The following DACT2 variants were observed in gnomAD, a reference collection of about 807,000 sequenced individuals.
DACT2 encodes the protein dapper homolog 2.
DACT2 carries 20 observed loss-of-function variants against 22.2 expected under a neutral mutation model. That is an observed-to-expected ratio of 0.90 (90% CI 0.63 to 1.31). DACT2 has a LOEUF of 1.31. DACT2 is among the 50% of genes most tolerant of loss of function. The pLI is 0.00. For missense variants in DACT2, 1,048 were observed against 1,061.4 expected, an observed-to-expected ratio of 0.99 and a Z score of 0.18; for synonymous variants, 463 against 479.8, an observed-to-expected ratio of 0.96 and a Z score of 0.46.
At chr6:168,311,551 T>TACACACACACACAAACAC (rs778387834) in intron 1 of DACT2, among the ~76,000 whole-genome samples, 9 of 97,820 alleles carry the variant, frequency 9.2e-5, no homozygotes, top group Admixed American at 4.0e-4. Flanking sequence ...CACACACACA[T>TACACACACACACAAACAC]ACACACACTC....
In DACT2 at chr6:168,307,681, G is replaced by C; in HGVS notation, c.2076C>G (p.Asn692Lys). Residue 692 changes from asparagine to lysine, a missense_variant, in exon 4 of 4, where the codon AAC (asparagine) becomes AAG (lysine). Coordinates refer to ENST00000366795, the MANE Select transcript of DACT2 (RefSeq NM_214462.5). The surrounding 1 kb of genome is among the most constrained non-coding windows in gnomAD (Gnocchi z 5.3). ...TGCTGGACTCACGGTCTCCGAATCG[G>C]TTGGTGGTGTGGTCACTGGACTCTC... ...SEGESSDHTT[N>K]RFGDRESSSS... 1.3e-6 allele frequency: 2 copies of C among 1,550,254 alleles called. No homozygotes were observed. Among genetic ancestry groups the C allele is most frequent in the South Asian group, 2.4e-5 (2 of 83,974 alleles).
chr6:168,305,454 A>C (rs1779184988), downstream of DACT2, among the ~76,000 whole-genome samples: 1 of 152,318 alleles, frequency 6.6e-6, no homozygotes, highest in African/African-American at 2.4e-5. Context: ...ACGGAGTCGG[A>C]GCTGCCTAGA....
chr6:168,319,443 A>AGGCCGTGGG lies in DACT2; in HGVS notation c.182_190dup (p.Pro61_Gly63dup). The AGGCCGTGGG allele has an allele frequency of 9.1e-6, 11 of 1,205,006 alleles. No homozygotes were observed. Among genetic ancestry groups the AGGCCGTGGG allele is most frequent in the Non-Finnish European group, 1.0e-5 (10 of 971,680 alleles). The allele number at this position is 1,205,006 out of a possible 1,614,324, so 74.6% of individuals were successfully genotyped here. ...CTCCAGCTGCTGCTCGGGGCCGTGG[A>AGGCCGTGGG]GGCCGTGGGGGCCGCAGGGCGCGGC... On this transcript the variant is annotated inframe_insertion, in exon 1 of 4. Coordinates refer to ENST00000366795, the MANE Select transcript of DACT2 (RefSeq NM_214462.5).
chr6:168,303,689 CT>C (rs1779150435), downstream of DACT2, among the ~76,000 whole-genome samples: 1 of 152,166 alleles, frequency 6.6e-6, no homozygotes, highest in Non-Finnish European at 1.5e-5. Context: ...CCAAGACAGG[CT>C]TTAATTATTC....
chr6:168,306,072 G>C (rs1779199637), downstream of DACT2, among the ~76,000 whole-genome samples: 3 of 152,168 alleles, frequency 2.0e-5, no homozygotes, highest in Admixed American at 2.0e-4. Context: ...TTCCAGACGT[G>C]AAGTTCCTTA....
intron 3 of DACT2, among the ~76,000 whole-genome samples, chr6:168,294,857 C>T (rs1778982476): frequency 6.6e-6 from 1 of 151,962 alleles, no homozygotes; most frequent in East Asian, 1.9e-4. Context: ...GAATTCATGC[C>T]CACAATTTAA....
intron 3 of DACT2, among the ~76,000 whole-genome samples, chr6:168,301,888 A>T (rs904452240): frequency 6.6e-6 from 1 of 152,198 alleles, no homozygotes; most frequent in Non-Finnish European, 1.5e-5. Context: ...GGGATGACCC[A>T]CAAGTCCACA....
At position 168,307,659 on chromosome 6, in the gene DACT2, T is replaced by C. The variant is rs1346618749; in HGVS notation, c.2098A>G (p.Ser700Gly). 1 of 1,549,036 alleles carries C rather than the reference T, an allele frequency of 6.5e-7. No homozygotes were observed. Among genetic ancestry groups the C allele is most frequent in the African/African-American group, 1.4e-5 (1 of 73,130 alleles). Reference sequence around the variant, plus strand: ...GCGCCGCCCTCCTCGTCGCTGCTGCTGGACTCACGGTCTCCGAATCGGTTG... The same window carrying C: ...GCGCCGCCCTCCTCGTCGCTGCTGCCGGACTCACGGTCTCCGAATCGGTTG... Reference protein sequence around the residue: ...TTNRFGDRESSSSDEEGGAQS... With the variant: ...TTNRFGDRESGSSDEEGGAQS... Residue 700 changes from serine to glycine, a missense_variant, in exon 4 of 4, where the codon AGC becomes GGC. Ser to Gly is a moderately conservative substitution (Grantham distance 56). Coordinates refer to ENST00000366795, the MANE Select transcript of DACT2 (RefSeq NM_214462.5). The surrounding 1 kb of genome is among the most constrained non-coding windows in gnomAD (Gnocchi z 5.3).
intron 1 of DACT2, among the ~76,000 whole-genome samples, chr6:168,313,684 A>T (rs1779477822): frequency 6.6e-6 from 1 of 152,082 alleles, no homozygotes; most frequent in Admixed American, 6.5e-5. Context: ...GTGAGGCCAC[A>T]CCTCAACGTT....
At chr6:168,306,011 T>G (rs7774716), downstream of DACT2, among the ~76,000 whole-genome samples, 2 of 152,200 alleles carry the variant, frequency 1.3e-5, no homozygotes, top group Non-Finnish European at 2.9e-5. Context: ...CTGCCTCCAC[T>G]GTCTTCACTG....
At chr6:168,295,265 G>GATAGT (rs376631522) in intron 3 of DACT2, among the ~76,000 whole-genome samples, 3 of 152,194 alleles carry the variant, frequency 2.0e-5, no homozygotes, top group Non-Finnish European at 2.9e-5. Flanking sequence ...AAATAGAATC[G>GATAGT]ATAGTATAAC....
chr6:168,308,649 C>T lies in DACT2; in HGVS notation c.1108G>A (p.Gly370Ser). ...CGCCCTCCACCGTCTGTACTCCAGC[C>T]ACCCTGCCTCTGTGGAGATGGGGAC... ...AASPSPQRQG[G>S]WSTDGGGRLL... Residue 370 changes from glycine (G) to serine (S), a missense_variant, in exon 4 of 4, where the codon GGC (glycine) becomes AGC (serine). By Grantham distance (56) the Gly-to-Ser change is moderately conservative (BLOSUM62 0). Transcript: ENST00000366795. 1 of 1,544,492 alleles carries T rather than the reference C, an allele frequency of 6.5e-7. No individual in the cohort carries two copies. Among genetic ancestry groups the T allele is most frequent in the African/African-American group, 1.4e-5 (1 of 73,174 alleles).
rs1486365449 is a variant in DACT2 at position 168,308,650 on chromosome 6, A to T, written c.1107T>A (p.Gly369=). 2.6e-6 allele frequency: 4 copies of T among 1,543,798 alleles called. No homozygotes were observed. Among genetic ancestry groups the T allele is most frequent in the Non-Finnish European group, 1.7e-6 (2 of 1,146,880 alleles). Residue 369 remains glycine, a synonymous_variant, in exon 4 of 4, where the codon GGT becomes GGA. Coordinates refer to ENST00000366795, the MANE Select transcript of DACT2 (RefSeq NM_214462.5). ...GCCCTCCACCGTCTGTACTCCAGCC[A>T]CCCTGCCTCTGTGGAGATGGGGACG... is the stretch of plus-strand genomic sequence containing the variant. ...HAASPSPQRQ[G]GWSTDGGGRL...
exon 6 of DACT2, chr6:168,292,838 T>C (rs1413792125): frequency 6.6e-6 from 1 of 152,232 alleles, no homozygotes; most frequent in Non-Finnish European, 1.5e-5. Flanking sequence ...TCCTGTCTTT[T>C]ACATACCATT....
chr6:168,296,902 C>A (rs1258611678), intron 3 of DACT2, among the ~76,000 whole-genome samples: 1 of 152,132 alleles, frequency 6.6e-6, no homozygotes, highest in Non-Finnish European at 1.5e-5. Context: ...AAACCTGTAA[C>A]TTACCACTCA....
At position 168,315,374 on chromosome 6, in the gene DACT2, C is replaced by T. The variant is rs535498523; in HGVS notation, c.246+4014G>A. Among the ~76,000 whole-genome samples, 6 of 152,172 alleles carry T rather than the reference C, an allele frequency of 3.9e-5. No homozygotes were observed. The East Asian group carries it at 5.8e-4, about 15-fold the overall frequency. On this transcript the variant is annotated intron_variant, in intron 1 of 3. Coordinates refer to ENST00000366795, the MANE Select transcript of DACT2 (RefSeq NM_214462.5). ...TAACCCTTATGAATATGGGAATGGC[C>T]GGCACTTCTTGGGAACGACAAGTTT...
At chr6:168,297,437 C>T (rs1779026963) in intron 3 of DACT2, among the ~76,000 whole-genome samples, 1 of 152,124 alleles carries the variant, frequency 6.6e-6, no homozygotes, top group Admixed American at 6.6e-5. Flanking sequence ...TTGAGAAGGA[C>T]TCACAGATGT....
At chr6:168,314,010 C>G (rs546569455) in intron 1 of DACT2, among the ~76,000 whole-genome samples, 1,038 of 94,214 alleles carry the variant, frequency 0.011, 11 homozygotes, top group African/African-American at 0.038. Context: ...GTAACCCCGA[C>G]CGCGCTTGTA....
exon 6 of DACT2, chr6:168,293,057 C>G (rs1778941235): frequency 6.6e-6 from 1 of 152,218 alleles, no homozygotes; most frequent in Non-Finnish European, 1.5e-5. Flanking sequence ...AATGTCTGGA[C>G]TTTGTAAAAA....
Sources: gnomAD v4.1 joint callset for allele counts (sites outside exome capture counted in the v4.1 genomes callset) on GRCh38, gnomAD v4.1.1 for gene constraint, Gnocchi (gnomAD v3.1) non-coding constraint, MANE v1.5 for transcripts, NCBI Gene and HGNC (gene_info 2026-07-23, HGNC 2026-07-21) for gene names.